The following MARCHF1 variants were observed in gnomAD, a reference collection of about 807,000 sequenced individuals.
The protein encoded by MARCHF1 is E3 ubiquitin-protein ligase MARCHF1.
A neutral mutation model predicts 54.2 loss-of-function variants in MARCHF1; 40 were observed. That is an observed-to-expected ratio of 0.74 (90% CI 0.57 to 0.96). The LOEUF (loss-of-function observed/expected upper bound fraction) is 0.96. Ranked by LOEUF, MARCHF1 falls within the 40% of genes least tolerant of loss-of-function variation. The pLI, the probability that MARCHF1 is intolerant of heterozygous loss-of-function variation, is 0.00. For missense variants in MARCHF1, 586 were observed against 656.5 expected, an observed-to-expected ratio of 0.89 and a Z score of 1.17; for synonymous variants, 236 against 236.3, an observed-to-expected ratio of 1.00 and a Z score of 0.01.
intron 4 of MARCHF1, among the ~76,000 whole-genome samples, chr4:163,782,558 T>C (rs931880458): frequency 6.6e-6 from 1 of 151,032 alleles, no homozygotes; most frequent in African/African-American, 2.4e-5. Context: ...TTATCCCAGC[T>C]ACTTGGGAGG....
chr4:164,095,918 T>A (rs1456262105), intron 2 of MARCHF1, among the ~76,000 whole-genome samples: 1 of 151,870 alleles, frequency 6.6e-6, no homozygotes, highest in Non-Finnish European at 1.5e-5. Context: ...AAAAATAACA[T>A]ATACGGACGA....
chr4:163,930,005 T>C (rs1200218449), intron 3 of MARCHF1, among the ~76,000 whole-genome samples: 2 of 134,600 alleles, frequency 1.5e-5, no homozygotes, highest in East Asian at 4.0e-4. Flanking sequence ...ATATTATATA[T>C]AAATATATTA....
chr4:164,214,166 T>TAAA (rs10699491), intron 1 of MARCHF1, among the ~76,000 whole-genome samples: 18 of 151,630 alleles, frequency 1.2e-4, no homozygotes, highest in African/African-American at 3.6e-4. Flanking sequence ...AATGAAAAAG[T>TAAA]AAAAAAAATT....
chr4:163,774,694 T>G (rs1747256193), intron 4 of MARCHF1, among the ~76,000 whole-genome samples: 1 of 151,984 alleles, frequency 6.6e-6, no homozygotes, highest in South Asian at 2.1e-4. Context: ...TGGGGTTTTA[T>G]CATGTTGGCC....
intron 1 of MARCHF1, among the ~76,000 whole-genome samples, chr4:164,242,119 G>T (rs1429475287): frequency 4.6e-5 from 7 of 151,906 alleles, no homozygotes; most frequent in Admixed American, 1.3e-4. Context: ...ACTGGGTGGA[G>T]CCCACCACAG....
At chr4:163,899,730 G>A (rs72685669) in intron 3 of MARCHF1, among the ~76,000 whole-genome samples, 11,710 of 147,590 alleles carry the variant, frequency 0.079, 523 homozygotes, top group Non-Finnish European at 0.1. Flanking sequence ...CCCAAACAAC[G>A]TAACATATTC....
Position 163,525,502 on chromosome 4 carries a change from A to T in MARCHF1, c.*3246T>A, listed in dbSNP as rs1738071268. 6.6e-6 allele frequency: 1 copy of T among 152,032 alleles called. No homozygotes were observed. The highest frequency in any genetic ancestry group is 1.5e-5 in the Non-Finnish European group (1 of 67,992). The allele number at this position is 152,032 out of a possible 1,614,324, so 9.4% of individuals were successfully genotyped here. ...TTGTTCATTTTTATTTTGTTTTTGT[A>T]CTTAAGCTTAATTGCCTTTTGGGCT... On this transcript the variant is annotated 3_prime_UTR_variant, in exon 10 of 10. Coordinates refer to ENST00000514618, the MANE Select transcript of MARCHF1 (RefSeq NM_001394959.1).
chr4:163,565,284 A>T (rs1739609506), intron 8 of MARCHF1, among the ~76,000 whole-genome samples: 1 of 152,210 alleles, frequency 6.6e-6, no homozygotes, highest in African/African-American at 2.4e-5. Flanking sequence ...CACTGTAATG[A>T]CATGATATCT....
intron 3 of MARCHF1, among the ~76,000 whole-genome samples, chr4:163,958,041 C>G (rs568618217): frequency 2.6e-5 from 4 of 152,114 alleles, no homozygotes; most frequent in Non-Finnish European, 5.9e-5. Context: ...ATATCTGTTC[C>G]CTGGACACTT....
chr4:164,143,190 G>A (rs1389518121), intron 1 of MARCHF1, among the ~76,000 whole-genome samples: 14 of 152,052 alleles, frequency 9.2e-5, no homozygotes, highest in South Asian at 8.3e-4. Context: ...CCAAATCTAC[G>A]TCTGATTGCT....
At chr4:164,003,720 C>G (rs185152940) in intron 2 of MARCHF1, among the ~76,000 whole-genome samples, 37 of 152,184 alleles carry the variant, frequency 2.4e-4, no homozygotes, top group African/African-American at 8.4e-4. Flanking sequence ...TTGTGGAAGA[C>G]AGTGTGGTGA....
At chr4:163,648,532 C>T (rs1290310139) in intron 5 of MARCHF1, among the ~76,000 whole-genome samples, 1 of 149,558 alleles carries the variant, frequency 6.7e-6, no homozygotes, top group African/African-American at 2.5e-5. Context: ...ATTGTGAAGA[C>T]GTTATTCACT....
intron 4 of MARCHF1, among the ~76,000 whole-genome samples, chr4:163,824,358 T>C (rs1031204027): frequency 3.3e-5 from 5 of 151,180 alleles, no homozygotes; most frequent in Non-Finnish European, 7.4e-5. Context: ...TATCTGATCT[T>C]TGACAAACCT....
intron 3 of MARCHF1, among the ~76,000 whole-genome samples, chr4:163,979,124 A>C (rs1752708077): frequency 5.2e-5 from 6 of 115,898 alleles, no homozygotes; most frequent in East Asian, 3.5e-4. Flanking sequence ...GCACCCACTA[A>C]CTCGTCATCT....
At chr4:163,606,436 C>A (rs369093443) in intron 7 of MARCHF1, among the ~76,000 whole-genome samples, 16 of 152,080 alleles carry the variant, frequency 1.1e-4, no homozygotes, top group Non-Finnish European at 1.6e-4. Flanking sequence ...GAAAAGAGAG[C>A]TAACACACAT....
At chr4:164,271,540 C>T (rs1460350757) in intron 1 of MARCHF1, among the ~76,000 whole-genome samples, 2 of 152,058 alleles carry the variant, frequency 1.3e-5, no homozygotes, top group African/African-American at 4.8e-5. Flanking sequence ...AAATTCATGC[C>T]TGATTTCTGA....
rs1477894485 is a variant in MARCHF1 at position 163,693,206 on chromosome 4, G to A, written c.162+7607C>T. Among the ~76,000 whole-genome samples the A allele has an allele frequency of 5.9e-5, 9 of 151,358 alleles. 1 individual carries two copies. The highest frequency in any genetic ancestry group is 2.0e-4 in the Admixed American group (3 of 15,166). On this transcript the variant is annotated intron_variant, in intron 5 of 9. Transcript: ENST00000514618. ...TGTCCCAGAGAGTAGGAAATAAAAC[G>A]AACGTATCTTCAGGAGCTGGACAAA...
At chr4:163,572,129 G>T (rs1234166244) in intron 8 of MARCHF1, among the ~76,000 whole-genome samples, 1 of 151,868 alleles carries the variant, frequency 6.6e-6, no homozygotes, top group African/African-American at 2.4e-5. Context: ...ACCATGGTTT[G>T]CTTTGAAGGG....
chr4:164,378,382 C>T (rs572174252), intron 1 of MARCHF1, among the ~76,000 whole-genome samples: 1 of 152,284 alleles, frequency 6.6e-6, no homozygotes, highest in Admixed American at 6.5e-5. Context: ...TTGATTTTAC[C>T]TACATGAGAT....
Sources: gnomAD v4.1 joint callset for allele counts (sites outside exome capture counted in the v4.1 genomes callset) on GRCh38, gnomAD v4.1.1 for gene constraint, MANE v1.5 for transcripts, NCBI Gene and HGNC (gene_info 2026-07-23, HGNC 2026-07-21) for gene names.